Variants in PCDHA1 observed in about 807,000 individuals in gnomAD.
PCDHA1 encodes the protein protocadherin alpha 1.
PCDHA1 carries 42 observed loss-of-function variants against 61.3 expected under a neutral mutation model. The observed-to-expected ratio is 0.69, with a 90% CI of 0.54 to 0.89. The LOEUF (loss-of-function observed/expected upper bound fraction) is 0.89. Ranked by LOEUF, PCDHA1 falls within the 40% of genes least tolerant of loss-of-function variation. The pLI, the probability that PCDHA1 is intolerant of heterozygous loss-of-function variation, is 0.00. For missense variants in PCDHA1, 1,256 were observed against 1,235.3 expected (o/e 1.02, Z -0.25); for synonymous variants, 610 against 553.8 (o/e 1.10, Z -1.43).
At chr5:140,838,971 A>C (rs139822450) in intron 1 of PCDHA1, among the ~76,000 whole-genome samples, 1 of 152,152 alleles carries the variant, frequency 6.6e-6, no homozygotes, top group East Asian at 1.9e-4. Context: ...CAGAACTGAC[A>C]ATTTTCACTG....
intron 1 of PCDHA1, among the ~76,000 whole-genome samples, chr5:140,964,320 T>C (rs782388382): frequency 1.3e-5 from 2 of 152,206 alleles, no homozygotes; most frequent in Non-Finnish European, 2.9e-5. Context: ...TAAAACAGCA[T>C]AATGGACAAC....
intron 3 of PCDHA1, among the ~76,000 whole-genome samples, chr5:141,005,561 G>T (rs1554260149): frequency 6.6e-6 from 1 of 151,354 alleles, no homozygotes. Flanking sequence ...AATTAGCCGG[G>T]CATGGTGGCG....
chr5:140,842,292 A>C (rs2150333564), intron 1 of PCDHA1: 1 of 1,610,470 alleles, frequency 6.2e-7, no homozygotes, highest in African/African-American at 1.3e-5. Context: ...GACGCCACGG[A>C]CAAAGGCCAT....
chr5:140,999,654 C>A (rs180994815), intron 3 of PCDHA1, among the ~76,000 whole-genome samples: 1 of 152,122 alleles, frequency 6.6e-6, no homozygotes, highest in South Asian at 2.1e-4. Flanking sequence ...AGCCTGAGCC[C>A]TGCTGGGTTG....
chr5:140,963,300 TAAG>T (rs1387833703), intron 1 of PCDHA1, among the ~76,000 whole-genome samples: 2 of 152,120 alleles, frequency 1.3e-5, no homozygotes, highest in African/African-American at 4.8e-5. Flanking sequence ...GGAGAGAAAA[TAAG>T]AAGCTGTTTG....
rs782253021 is a variant in PCDHA1, at chr5:140,836,724, T to A, written c.2394+48040T>A. 4.3e-6 allele frequency: 7 copies of A among 1,611,936 alleles called. No individual in the cohort carries two copies. The Admixed American group carries it at 5.0e-5, about 12-fold the overall frequency. On this transcript the variant is annotated intron_variant, in intron 1 of 3. Coordinates refer to ENST00000504120, the MANE Select transcript of PCDHA1 (RefSeq NM_018900.4). ...CAGTCCCAGCCTTCCTCAGGGTCCATCCTCTACAGACAATGTGAGTCATAA... is the reference window on the plus strand; with the variant it reads ...CAGTCCCAGCCTTCCTCAGGGTCCAACCTCTACAGACAATGTGAGTCATAA...
At chr5:140,938,849 T>C (rs961236945) in intron 1 of PCDHA1, among the ~76,000 whole-genome samples, 1 of 152,102 alleles carries the variant, frequency 6.6e-6, no homozygotes, top group Admixed American at 6.6e-5. Flanking sequence ...CCTGCCCATG[T>C]ACCCCTGAAC....
chr5:140,853,932 G>C, intron 1 of PCDHA1: 6 of 869,474 alleles, frequency 6.9e-6, no homozygotes, highest in Non-Finnish European at 8.4e-6. Flanking sequence ...ATTTTGGGAG[G>C]CCAAGGTGGG....
chr5:140,883,960 G>A (rs2059914384), intron 1 of PCDHA1: 1 of 1,613,090 alleles, frequency 6.2e-7, no homozygotes. Context: ...ACGCTCCGGC[G>A]CTGCTGACGC....
At chr5:140,990,507 T>C (rs1554251511) in intron 3 of PCDHA1, among the ~76,000 whole-genome samples, 1 of 152,158 alleles carries the variant, frequency 6.6e-6, no homozygotes, top group East Asian at 1.9e-4. Context: ...CCCCAAGTCT[T>C]CTCTCTTGTC....
chr5:140,950,685 A>T (rs947460709), intron 1 of PCDHA1, among the ~76,000 whole-genome samples: 3 of 152,082 alleles, frequency 2.0e-5, no homozygotes, highest in Non-Finnish European at 4.4e-5. Context: ...GTATATTGTT[A>T]ACCAAATTTG....
At chr5:140,843,702 A>G (rs375271706) in intron 1 of PCDHA1, 3 of 1,580,560 alleles carry the variant, frequency 1.9e-6, no homozygotes, top group Admixed American at 3.4e-5. Context: ...TTAAATGTTG[A>G]TCATGGCCTC....
In PCDHA1 at chr5:140,928,822, C is replaced by G. The variant is rs782187448; in HGVS notation, c.2395-50127C>G. ...GGTAGTGGTTCGGGACCATGGAGAC[C>G]CACCACTTTCCTCCTCTGTCACTCT... On this transcript the variant is annotated intron_variant, in intron 1 of 3. Coordinates refer to ENST00000504120, the MANE Select transcript of PCDHA1 (RefSeq NM_018900.4). 6 of 1,614,116 alleles carry G rather than the reference C, an allele frequency of 3.7e-6. No individual in the cohort carries two copies. The South Asian group carries it at 6.6e-5, about 18-fold the overall frequency.
Position 140,808,403 on chromosome 5 carries a change from T to C in PCDHA1, c.2394+19719T>C, listed in dbSNP as rs1190545218. On this transcript the variant is annotated intron_variant, in intron 1 of 3. Coordinates refer to ENST00000504120, the MANE Select transcript of PCDHA1 (RefSeq NM_018900.4). ...GGTGTCCACCTTCAAGAATTACTAC[T>C]CGTTGGTGCTGGACAGTGCCCTGGA... 5 of 1,614,036 alleles carry C rather than the reference T, an allele frequency of 3.1e-6. No homozygotes were observed. Among genetic ancestry groups the C allele is most frequent in the Non-Finnish European group, 4.2e-6 (5 of 1,180,052 alleles).
chr5:140,824,549 T>C, intron 1 of PCDHA1: 1 of 178,800 alleles, frequency 5.6e-6, no homozygotes, highest in South Asian at 1.5e-4. Context: ...ACTCCTGGGC[T>C]CAAGTGATCC....
intron 1 of PCDHA1, chr5:140,836,768 A>AT: frequency 5.1e-6 from 8 of 1,555,112 alleles, no homozygotes; most frequent in Non-Finnish European, 7.0e-6. Context: ...GTTTCCAACA[A>AT]TTTTAAAACA....
chr5:140,926,303 C>G (rs1248613470), intron 1 of PCDHA1: 1 of 152,328 alleles, frequency 6.6e-6, no homozygotes, highest in African/African-American at 2.4e-5. Flanking sequence ...CCCGCCCTCT[C>G]CGCCGGAGAG....
intron 1 of PCDHA1, among the ~76,000 whole-genome samples, chr5:140,933,174 A>G (rs1400055066): frequency 2.0e-5 from 3 of 151,742 alleles, no homozygotes; most frequent in Non-Finnish European, 3.0e-5. Context: ...AATTGATGGC[A>G]TAAGATAATG....
intron 1 of PCDHA1, chr5:140,830,355 G>C (rs2150185270): frequency 2.5e-6 from 4 of 1,614,120 alleles, no homozygotes; most frequent in South Asian, 2.2e-5. Flanking sequence ...CAGCAGAGGC[G>C]GCAGAGGGTG....
Sources: gnomAD v4.1 joint callset for allele counts (sites outside exome capture counted in the v4.1 genomes callset) on GRCh38, gnomAD v4.1.1 for gene constraint, MANE v1.5 for transcripts, NCBI Gene and HGNC (gene_info 2026-07-23, HGNC 2026-07-21) for gene names.